The following ERO1B variants were observed in gnomAD, a reference collection of about 807,000 sequenced individuals.
ERO1B encodes endoplasmic reticulum oxidoreductase 1 beta, also known as ERO1-like protein beta.
Under a neutral mutation model 75.3 loss-of-function variants are expected in ERO1B, and 49 were observed. The ratio of observed to expected loss-of-function variants is 0.65; its 90% CI spans 0.52 to 0.83. The LOEUF (loss-of-function observed/expected upper bound fraction) is 0.83. ERO1B is among the 40% of genes least tolerant of loss of function. The pLI is 0.00. For missense variants in ERO1B, 512 were observed against 560.1 expected, an observed-to-expected ratio of 0.91 and a Z score of 0.87; for synonymous variants, 191 against 192.9, an observed-to-expected ratio of 0.99 and a Z score of 0.08.
In ERO1B at chr1:236,243,585, C is replaced by T. The variant is rs1316885241; in HGVS notation, c.432-90G>A. 5.0e-6 allele frequency: 4 copies of T among 805,534 alleles called. No individual in the cohort carries two copies. The African/African-American group carries it at 7.2e-5, about 14-fold the overall frequency. 49.9% of individuals were successfully genotyped at this position (805,534 alleles called of 1,614,324 possible). On this transcript the variant is annotated intron_variant, in intron 5 of 15. Transcript: ENST00000354619. ...TTCTAGTGTAATTAAAATAGATAAT[C>T]TGAGGTCAGTTAAAGATTAGATGAT...
chr1:236,238,816 C>A (rs1664609799), intron 6 of ERO1B, among the ~76,000 whole-genome samples: 1 of 151,950 alleles, frequency 6.6e-6, no homozygotes, highest in Admixed American at 6.6e-5. Context: ...CTAGTACCAA[C>A]CTCTTTTCCC....
At chr1:236,244,047 A>C (rs1435653827) in intron 5 of ERO1B, among the ~76,000 whole-genome samples, 1 of 152,168 alleles carries the variant, frequency 6.6e-6, no homozygotes, top group Non-Finnish European at 1.5e-5. Flanking sequence ...ATCTATGATC[A>C]AGATTTCTAA....
chr1:236,251,507 A>C, intron 4 of ERO1B: 1 of 971,264 alleles, frequency 1.0e-6, no homozygotes, highest in Non-Finnish European at 1.2e-6. Context: ...CAAAGGAGGC[A>C]CAAGAAGGAG....
chr1:236,271,566 G>A (rs1305626151), intron 1 of ERO1B, among the ~76,000 whole-genome samples: 1 of 151,932 alleles, frequency 6.6e-6, no homozygotes, highest in Non-Finnish European at 1.5e-5. Flanking sequence ...TCTGAAATAT[G>A]TTTGTAAAGA....
intron 13 of ERO1B, among the ~76,000 whole-genome samples, chr1:236,222,517 T>C (rs1664176892): frequency 8.7e-6 from 1 of 115,066 alleles, no homozygotes; most frequent in Non-Finnish European, 1.8e-5. Flanking sequence ...TCATTCTGCA[T>C]ATTAATTCAC....
At chr1:236,222,320 C>T (rs1416926671) in intron 13 of ERO1B, among the ~76,000 whole-genome samples, 1 of 152,134 alleles carries the variant, frequency 6.6e-6, no homozygotes, top group African/African-American at 2.4e-5. Context: ...GCCATGTTGT[C>T]CAGGCTGGTC....
At chr1:236,274,067 T>A (rs918885817) in intron 1 of ERO1B, among the ~76,000 whole-genome samples, 5 of 142,600 alleles carry the variant, frequency 3.5e-5, no homozygotes, top group African/African-American at 1.3e-4. Flanking sequence ...CACTGAAACC[T>A]CCGCTTCCTG....
chr1:236,253,081 T>A (rs1230346775), intron 3 of ERO1B, among the ~76,000 whole-genome samples: 1 of 152,016 alleles, frequency 6.6e-6, no homozygotes, highest in Non-Finnish European at 1.5e-5. Context: ...TTATTTTGTT[T>A]TTTTTTTCCT....
At chr1:236,258,204 G>A (rs1046314845) in intron 2 of ERO1B, among the ~76,000 whole-genome samples, 1 of 142,840 alleles carries the variant, frequency 7.0e-6, no homozygotes, top group Non-Finnish European at 1.5e-5. Context: ...CTTGATAGGA[G>A]GAATCCGAAG....
At chr1:236,255,097 TC>T (rs775191040) in intron 2 of ERO1B, among the ~76,000 whole-genome samples, 28 of 136,230 alleles carry the variant, frequency 2.1e-4, no homozygotes, top group Admixed American at 2.1e-3. Context: ...ATTTTTTTTT[TC>T]TTTCTTTTTT....
At chr1:236,247,889 C>G (rs945697264) in intron 5 of ERO1B, among the ~76,000 whole-genome samples, 1 of 149,132 alleles carries the variant, frequency 6.7e-6, no homozygotes, top group Non-Finnish European at 1.5e-5. Context: ...AGACTCATGC[C>G]TTCACCTTCT....
chr1:236,230,238 T>C lies in ERO1B; in HGVS notation c.698A>G (p.Tyr233Cys). The C allele has an allele frequency of 1.3e-6, 2 of 1,594,128 alleles. No individual in the cohort carries two copies. The highest frequency in any genetic ancestry group is 8.6e-7 in the Non-Finnish European group (1 of 1,163,828). The change falls in exon 10 of 16, where the codon TAC becomes TGC. Residue 233 changes from tyrosine (Y) to cysteine (C), a missense_variant. Tyr to Cys is a radical substitution (Grantham distance 194). Coordinates refer to ENST00000354619, the MANE Select transcript of ERO1B (RefSeq NM_019891.4). Reference protein sequence around the residue: ...SRGEDDGESFYTWLEGLCLEK... With the variant: ...SRGEDDGESFCTWLEGLCLEK... The stretch of plus-strand genomic sequence containing the variant: ...AGACTGTTTACCTTCTAGCCATGTG[T>C]AGAATGATTCTCCTGAGAGAGAGAG...
chr1:236,273,545 C>G (rs938504991), intron 1 of ERO1B, among the ~76,000 whole-genome samples: 1 of 151,962 alleles, frequency 6.6e-6, no homozygotes, highest in Non-Finnish European at 1.5e-5. Context: ...CCAGGTTGGG[C>G]CAGGCACAAT....
chr1:236,220,997 C>T (rs769294062), intron 14 of ERO1B, 32 bp from the exon 15 acceptor site: 2 of 1,425,870 alleles, frequency 1.4e-6, no homozygotes, highest in Admixed American at 2.6e-5. Flanking sequence ...TCATAATTAA[C>T]TTTAAATAAT....
intron 2 of ERO1B, 55 bp downstream of exon 2, chr1:236,269,820 T>A: frequency 7.4e-7 from 1 of 1,359,214 alleles, no homozygotes; most frequent in Non-Finnish European, 1.0e-6. Flanking sequence ...AAAAGGATCA[T>A]AAAGGTCACA....
At chr1:236,276,672 G>A (rs1181706076) in intron 1 of ERO1B, among the ~76,000 whole-genome samples, 2 of 152,076 alleles carry the variant, frequency 1.3e-5, no homozygotes, top group African/African-American at 2.4e-5. Flanking sequence ...GATTAGAATG[G>A]GCTGAAAAAT....
rs67072171 is a variant in ERO1B at position 236,237,116 on chromosome 1, C to CTTTT, written c.506-722_506-719dup. Among the ~76,000 whole-genome samples the CTTTT allele has an allele frequency of 4.8e-4, 51 of 105,460 alleles. 1 individual carries two copies. The highest frequency in any genetic ancestry group is 6.7e-4 in the Non-Finnish European group (36 of 53,610). The allele number at this position is 105,460 out of a possible 152,430, so 69.2% of individuals were successfully genotyped here. A position where few individuals can be genotyped will look rare whatever the true frequency, so the allele number is the denominator to read the frequency against. ...TTTACCCCGATCTCCACTATTTGGA[C>CTTTT]TTTTTTTTTTTTTTTTTTTTTGAGA... On this transcript the variant is annotated intron_variant, in intron 6 of 15. Transcript: ENST00000354619.
rs1390443572 is a variant in ERO1B, at chr1:236,226,692, G to T, written c.760C>A (p.His254Asn). ...RVFYKLISGLHASINLHLCAN... is the reference protein window; with the variant it reads ...RVFYKLISGLNASINLHLCAN... ...CATAGATGTAAATTGATGCTAGCAT[G>T]AAGTCCCGATATAAGCTTATAGAAG... is the stretch of plus-strand genomic sequence containing the variant. Residue 254 changes from histidine to asparagine, a missense_variant, in exon 11 of 16, where the codon CAT (histidine) becomes AAT (asparagine). Coordinates refer to ENST00000354619, the MANE Select transcript of ERO1B (RefSeq NM_019891.4). 2 of 1,612,844 alleles carry T rather than the reference G, an allele frequency of 1.2e-6. No homozygotes were observed. Among genetic ancestry groups the T allele is most frequent in the Admixed American group, 3.3e-5 (2 of 59,792 alleles).
At position 236,215,384 on chromosome 1, in the gene ERO1B, T is replaced by TA. The variant is rs1663943990; in HGVS notation, c.*3131dup. Among the ~76,000 whole-genome samples the TA allele has an allele frequency of 6.6e-6, 1 of 152,152 alleles. No individual in the cohort carries two copies. Among genetic ancestry groups the TA allele is most frequent in the Non-Finnish European group, 1.5e-5 (1 of 68,026 alleles). ...ACGGTGTATTCTTTTAAAGCCAAAC[T>TA]ATGCATGTAAAAGCCCTTAATACAA... On this transcript the variant is annotated 3_prime_UTR_variant, in exon 16 of 16. Transcript: ENST00000354619.
Sources: allele counts gnomAD v4.1 joint callset (sites outside exome capture counted in the v4.1 genomes callset), GRCh38; gene constraint gnomAD v4.1.1; transcripts MANE v1.5; gene names NCBI Gene and HGNC (gene_info 2026-07-23, HGNC 2026-07-21).